SMYD3: variants seen among roughly 807,000 people sequenced by gnomAD.
SMYD3 encodes histone-lysine N-methyltransferase SMYD3.
Under a neutral mutation model 57.7 loss-of-function variants are expected in SMYD3, and 36 were observed. The observed-to-expected ratio is 0.62, with a 90% CI of 0.48 to 0.82. The LOEUF is 0.82. Ranked by LOEUF, SMYD3 falls within the 40% of genes least tolerant of loss-of-function variation. SMYD3 has a pLI of 0.00. For missense variants in SMYD3, 515 were observed against 538.8 expected (o/e 0.96, Z 0.44); for synonymous variants, 211 against 195.0 (o/e 1.08, Z -0.68).
intron 1 of SMYD3, among the ~76,000 whole-genome samples, chr1:246,368,861 T>G (rs1572428812): frequency 6.6e-6 from 1 of 152,218 alleles, no homozygotes; most frequent in Non-Finnish European, 1.5e-5. Flanking sequence ...TTCTTCAGTT[T>G]TGGGACTCAG....
chr1:246,078,465 T>C (rs1163202573), intron 5 of SMYD3, among the ~76,000 whole-genome samples: 3 of 152,232 alleles, frequency 2.0e-5, no homozygotes, highest in Non-Finnish European at 4.4e-5. Flanking sequence ...ACCGGCCTTC[T>C]TGTTCCACTT....
chr1:246,182,769 G>A (rs912461824), intron 5 of SMYD3, among the ~76,000 whole-genome samples: 2 of 152,154 alleles, frequency 1.3e-5, no homozygotes, highest in Non-Finnish European at 2.9e-5. Context: ...CAGGAAGTAA[G>A]ACTCAGGAGG....
intron 5 of SMYD3, among the ~76,000 whole-genome samples, chr1:246,228,094 C>T (rs567252308): frequency 4.0e-5 from 6 of 151,728 alleles, no homozygotes; most frequent in Non-Finnish European, 5.9e-5. Context: ...CTCAGTCTCC[C>T]GAGTAGTTGG....
At chr1:246,068,460 T>C (rs1226702500) in intron 5 of SMYD3, among the ~76,000 whole-genome samples, 3 of 152,214 alleles carry the variant, frequency 2.0e-5, no homozygotes, top group Admixed American at 1.3e-4. Flanking sequence ...GAAGTAATGA[T>C]GATCTAAACC....
chr1:246,275,535 C>T lies in SMYD3; in HGVS notation c.531+51666G>A, dbSNP rs76858177. Reference sequence around the variant, plus strand: ...ATGTTTGAATACTAACTCTGTTTTTCACTAGCCGTGTTAACACTGGCAAGT... The same window carrying T: ...ATGTTTGAATACTAACTCTGTTTTTTACTAGCCGTGTTAACACTGGCAAGT... On this transcript the variant is annotated intron_variant, in intron 5 of 11. Transcript: ENST00000490107. Among the ~76,000 whole-genome samples, 89 of 96,908 alleles carry T rather than the reference C, an allele frequency of 9.2e-4. 1 individual carries two copies. The highest frequency in any genetic ancestry group is 1.9e-3 in the East Asian group (3 of 1,578). 63.6% of individuals were successfully genotyped at this position (96,908 alleles called of 152,430 possible).
At chr1:246,468,368 T>C (rs940817658) in intron 1 of SMYD3, among the ~76,000 whole-genome samples, 1 of 151,836 alleles carries the variant, frequency 6.6e-6, no homozygotes, top group Admixed American at 6.6e-5. Context: ...AGTTCAGACA[T>C]GGTAGCTCAC....
intron 5 of SMYD3, among the ~76,000 whole-genome samples, chr1:246,147,711 G>A (rs1473107012): frequency 6.6e-6 from 1 of 151,416 alleles, no homozygotes; most frequent in African/African-American, 2.4e-5. Flanking sequence ...TGGGGGCCGG[G>A]AGCAGACAGG....
At chr1:245,806,681 C>A (rs1455493605) in intron 10 of SMYD3, among the ~76,000 whole-genome samples, 4 of 151,822 alleles carry the variant, frequency 2.6e-5, no homozygotes, top group East Asian at 3.9e-4. Context: ...GAGGCCGAGG[C>A]GGGTGGATCA....
chr1:245,872,607 A>G (rs889325776), intron 8 of SMYD3, among the ~76,000 whole-genome samples: 9 of 152,320 alleles, frequency 5.9e-5, no homozygotes, highest in Middle Eastern at 6.8e-3. Context: ...GCTCGTGGTG[A>G]GGAGAAGAAG....
chr1:245,872,716 C>T (rs991369778), intron 8 of SMYD3, among the ~76,000 whole-genome samples: 1 of 152,236 alleles, frequency 6.6e-6, no homozygotes, highest in Non-Finnish European at 1.5e-5. Context: ...AGCTTTAGAT[C>T]TCAGGCAGAA....
chr1:245,842,156 CTAA>C (rs2050435226), intron 10 of SMYD3, among the ~76,000 whole-genome samples: 1 of 152,158 alleles, frequency 6.6e-6, no homozygotes, highest in African/African-American at 2.4e-5. Context: ...ACAAAATCAT[CTAA>C]TGACGCATTT....
chr1:245,783,111 A>G (rs1179272153), intron 10 of SMYD3, among the ~76,000 whole-genome samples: 1 of 152,202 alleles, frequency 6.6e-6, no homozygotes, highest in Non-Finnish European at 1.5e-5. Flanking sequence ...AATGCAGGGT[A>G]GAGAGTGGAG....
intron 5 of SMYD3, among the ~76,000 whole-genome samples, chr1:246,309,039 A>G (rs957951922): frequency 1.3e-5 from 2 of 152,176 alleles, no homozygotes; most frequent in African/African-American, 4.8e-5. Context: ...TATTTGCACT[A>G]AAAGTTTTTA....
chr1:246,157,657 C>G (rs913066136), intron 5 of SMYD3, among the ~76,000 whole-genome samples: 1 of 152,106 alleles, frequency 6.6e-6, no homozygotes, highest in East Asian at 1.9e-4. Context: ...TTTTTTCCCC[C>G]CCATAGGTCA....
intron 10 of SMYD3, among the ~76,000 whole-genome samples, chr1:245,788,317 C>T (rs374149914): frequency 1.7e-4 from 26 of 152,112 alleles, no homozygotes; most frequent in Admixed American, 7.9e-4. Flanking sequence ...GAATGGTGTC[C>T]AGGGCACCTA....
At chr1:246,194,360 C>G (rs909854394) in intron 5 of SMYD3, among the ~76,000 whole-genome samples, 1 of 152,042 alleles carries the variant, frequency 6.6e-6, no homozygotes, top group Non-Finnish European at 1.5e-5. Flanking sequence ...CTCCCACCTC[C>G]TGGGTTCAAG....
intron 5 of SMYD3, among the ~76,000 whole-genome samples, chr1:246,136,748 G>T (rs944626101): frequency 2.6e-5 from 4 of 152,120 alleles, no homozygotes; most frequent in African/African-American, 9.7e-5. Flanking sequence ...GTGAATGAGT[G>T]GGCATATAAA....
chr1:246,424,507 G>T (rs2067189024), intron 1 of SMYD3, among the ~76,000 whole-genome samples: 1 of 152,146 alleles, frequency 6.6e-6, no homozygotes, highest in South Asian at 2.1e-4. Context: ...CTGTGTTAGT[G>T]CATCTGTTGG....
intron 5 of SMYD3, among the ~76,000 whole-genome samples, chr1:246,271,760 T>C (rs1196118454): frequency 2.0e-5 from 3 of 152,226 alleles, no homozygotes; most frequent in African/African-American, 7.2e-5. Flanking sequence ...TTTTTCAAGA[T>C]AACTTTAGCT....
Sources: allele counts gnomAD v4.1 joint callset (sites outside exome capture counted in the v4.1 genomes callset), GRCh38; gene constraint gnomAD v4.1.1; transcripts MANE v1.5; gene names NCBI Gene and HGNC (gene_info 2026-07-23, HGNC 2026-07-21).